MIR2052HG: variants seen among roughly 807,000 people sequenced by gnomAD.
MIR2052HG encodes MIR2052 host gene.
chr8:74,743,978 A>G (rs574431487), intron 4 of MIR2052HG, among the ~76,000 whole-genome samples: 103 of 152,352 alleles, frequency 6.8e-4, no homozygotes, highest in Admixed American at 6.3e-3. Context: ...TCTGAAAACT[A>G]TTATAAGATA....
At chr8:74,738,256 T>C (rs1271809954) in intron 4 of MIR2052HG, among the ~76,000 whole-genome samples, 1 of 152,122 alleles carries the variant, frequency 6.6e-6, no homozygotes, top group Non-Finnish European at 1.5e-5. Flanking sequence ...TTTCTCTTCT[T>C]TCCACCAACT....
intron 2 of MIR2052HG, among the ~76,000 whole-genome samples, chr8:74,627,116 C>T (rs957015043): frequency 3.3e-5 from 5 of 152,184 alleles, no homozygotes; most frequent in African/African-American, 1.2e-4. Context: ...GAGCTCAGAA[C>T]ATAGGCCATC....
At chr8:74,684,404 C>T (rs1368782379) in intron 2 of MIR2052HG, among the ~76,000 whole-genome samples, 4 of 151,994 alleles carry the variant, frequency 2.6e-5, no homozygotes, top group Admixed American at 6.6e-5. Context: ...ACGTTCCGTT[C>T]GCTAAATCAA....
intron 5 of MIR2052HG, among the ~76,000 whole-genome samples, chr8:74,752,765 A>G (rs1242067576): frequency 6.6e-5 from 10 of 152,218 alleles, no homozygotes; most frequent in African/African-American, 1.9e-4. Flanking sequence ...AAATGAGTCA[A>G]TGATTAATTT....
intron 4 of MIR2052HG, among the ~76,000 whole-genome samples, chr8:74,742,425 A>C (rs770631296): frequency 6.6e-6 from 1 of 152,168 alleles, no homozygotes; most frequent in Non-Finnish European, 1.5e-5. Context: ...CAGGTTATCT[A>C]CTTTTTTGTT....
At chr8:74,665,766 G>A (rs756587067) in intron 2 of MIR2052HG, among the ~76,000 whole-genome samples, 2 of 152,078 alleles carry the variant, frequency 1.3e-5, no homozygotes, top group Non-Finnish European at 2.9e-5. Flanking sequence ...ATTTTGAATT[G>A]TAGCTCCCAT....
chr8:74,665,296 G>T (rs764158188), intron 2 of MIR2052HG, among the ~76,000 whole-genome samples: 1 of 152,146 alleles, frequency 6.6e-6, no homozygotes, highest in Non-Finnish European at 1.5e-5. Flanking sequence ...ATATGAACTC[G>T]CATCGATATG....
chr8:74,602,021 A>ATC (rs951903937), intron 1 of MIR2052HG, among the ~76,000 whole-genome samples: 5 of 152,170 alleles, frequency 3.3e-5, no homozygotes, highest in Admixed American at 3.3e-4. Flanking sequence ...GAGAGACTCC[A>ATC]TCCTGAATAG....
intron 2 of MIR2052HG, among the ~76,000 whole-genome samples, chr8:74,618,467 G>A (rs557233392): frequency 3.9e-5 from 6 of 152,072 alleles, no homozygotes; most frequent in South Asian, 2.1e-4. Context: ...AATGAGAGCC[G>A]GAAGGGAGGG....
intron 2 of MIR2052HG, among the ~76,000 whole-genome samples, chr8:74,642,519 G>T (rs1586901191): frequency 6.6e-6 from 1 of 152,154 alleles, no homozygotes; most frequent in South Asian, 2.1e-4. Flanking sequence ...GACTTAAGAA[G>T]TTGGTATATT....
chr8:74,740,639 A>C (rs1809815949), intron 4 of MIR2052HG, among the ~76,000 whole-genome samples: 1 of 152,192 alleles, frequency 6.6e-6, no homozygotes, highest in Non-Finnish European at 1.5e-5. Flanking sequence ...AACCTAAATA[A>C]AATACAGTTA....
chr8:74,633,112 C>G (rs1185409569), intron 2 of MIR2052HG: 1 of 152,392 alleles, frequency 6.6e-6, no homozygotes, highest in East Asian at 1.9e-4. Context: ...CTCAACCTCC[C>G]AAGCTCAAGC....
At chr8:74,615,300 C>T (rs1462273870) in intron 2 of MIR2052HG, among the ~76,000 whole-genome samples, 1 of 152,204 alleles carries the variant, frequency 6.6e-6, no homozygotes, top group Non-Finnish European at 1.5e-5. Flanking sequence ...AACTCTAGCT[C>T]TAATGTCATC....
intron 4 of MIR2052HG, among the ~76,000 whole-genome samples, chr8:74,707,399 A>G (rs1315766574): frequency 6.6e-6 from 1 of 152,160 alleles, no homozygotes; most frequent in African/African-American, 2.4e-5. Flanking sequence ...AGCAATTAGG[A>G]TAGTATCGAT....
intron 2 of MIR2052HG, among the ~76,000 whole-genome samples, chr8:74,670,445 T>C (rs1036543344): frequency 1.3e-5 from 2 of 152,182 alleles, no homozygotes; most frequent in Admixed American, 6.6e-5. Flanking sequence ...GGTTGAAGTA[T>C]GAAATATCTC....
intron 2 of MIR2052HG, among the ~76,000 whole-genome samples, chr8:74,642,922 G>A (rs1249464093): frequency 6.6e-6 from 1 of 152,178 alleles, no homozygotes; most frequent in African/African-American, 2.4e-5. Flanking sequence ...GCACTGGATA[G>A]TTTTATCAGA....
chr8:74,680,777 G>T (rs112228766), intron 2 of MIR2052HG, among the ~76,000 whole-genome samples: 2 of 151,540 alleles, frequency 1.3e-5, no homozygotes, highest in Non-Finnish European at 2.9e-5. Flanking sequence ...TGTTTATTGC[G>T]GCATTATTCA....
chr8:74,604,829 A>G (rs1269518071), intron 1 of MIR2052HG, among the ~76,000 whole-genome samples: 1 of 151,906 alleles, frequency 6.6e-6, no homozygotes, highest in African/African-American at 2.4e-5. Flanking sequence ...CCTGACCTCA[A>G]GTGATCCTTC....
chr8:74,708,245 A>G (rs1809430752), intron 4 of MIR2052HG, among the ~76,000 whole-genome samples: 1 of 152,050 alleles, frequency 6.6e-6, no homozygotes, highest in Non-Finnish European at 1.5e-5. Flanking sequence ...GAATGGGAAA[A>G]CCTTTGCAAA....
Sources: allele counts gnomAD v4.1 joint callset (sites outside exome capture counted in the v4.1 genomes callset), GRCh38; gene constraint gnomAD v4.1.1; transcripts MANE v1.5; gene names NCBI Gene and HGNC (gene_info 2026-07-23, HGNC 2026-07-21).